Variants in FAM222A observed in about 807,000 individuals in gnomAD.
The protein encoded by FAM222A is family with sequence similarity 222 member A.
FAM222A carries 7 observed loss-of-function variants against 25.8 expected under a neutral mutation model. The ratio of observed to expected loss-of-function variants is 0.27; its 90% CI spans 0.15 to 0.51. FAM222A has a LOEUF of 0.51. Ranked by LOEUF, FAM222A falls within the 20% of genes least tolerant of loss-of-function variation. FAM222A has a pLI of 0.97. For synonymous variants in FAM222A, 294 were observed against 298.8 expected, an observed-to-expected ratio of 0.98 and a Z score of 0.17; for missense variants, 573 against 640.5, an observed-to-expected ratio of 0.89 and a Z score of 1.14.
intron 1 of FAM222A, among the ~76,000 whole-genome samples, chr12:109,742,796 C>T (rs763172009): frequency 6.6e-6 from 1 of 151,926 alleles, no homozygotes; most frequent in Non-Finnish European, 1.5e-5. Flanking sequence ...AGGCTGCAAC[C>T]GTCTCCGGGA....
intron 1 of FAM222A, among the ~76,000 whole-genome samples, chr12:109,725,859 A>G (rs1364422411): frequency 6.6e-6 from 1 of 151,942 alleles, no homozygotes; most frequent in Non-Finnish European, 1.5e-5. Context: ...TTTTCATACA[A>G]TTGCTATAAA....
intron 2 of FAM222A, among the ~76,000 whole-genome samples, chr12:109,758,651 C>A (rs955272469): frequency 6.6e-6 from 1 of 152,196 alleles, no homozygotes; most frequent in African/African-American, 2.4e-5. Context: ...TCCCTGCCCC[C>A]ACTCCTGGGC....
chr12:109,768,620 G>A lies in FAM222A; in HGVS notation c.691G>A (p.Ala231Thr), dbSNP rs749603829. 4 of 1,602,700 alleles carry A rather than the reference G, an allele frequency of 2.5e-6. No individual in the cohort carries two copies. Among genetic ancestry groups the A allele is most frequent in the Non-Finnish European group, 3.4e-6 (4 of 1,179,384 alleles). ...CATGGCTATTCCCCATCCCAGCCCT[G>A]CCAAGCACGGCCCAGTGCCCAGCTT... Reference protein sequence around the residue: ...QGMAIPHPSPAKHGPVPSFPS... With the variant: ...QGMAIPHPSPTKHGPVPSFPS... The change falls in exon 3 of 3, where the codon GCC (alanine) becomes ACC (threonine). Residue 231 changes from alanine (A) to threonine (T), a missense_variant. Ala to Thr is a moderately conservative substitution (Grantham distance 58, BLOSUM62 0). This residue lies in a region of FAM222A where 412 missense variants were observed against 407.0 expected (regional missense o/e 1.01). Transcript: ENST00000538780.
In FAM222A at chr12:109,745,188, G is replaced by C. The variant is rs562079643; in HGVS notation, c.82+960G>C. 2.0e-5 allele frequency among the ~76,000 whole-genome samples: 3 copies of C among 152,320 alleles called. No individual in the cohort carries two copies. In the South Asian group the frequency reaches 6.2e-4, roughly 32 times the overall value. On this transcript the variant is annotated intron_variant, in intron 2 of 2. Coordinates refer to ENST00000538780, the MANE Select transcript of FAM222A (RefSeq NM_032829.3). ...CAGCTTCCTGGGTGTCCTTCCAGAT[G>C]TTTTATGTGCATCCCAGCAAATATG...
chr12:109,722,820 A>AGCTGCAG (rs1257617131), intron 1 of FAM222A: 3 of 152,360 alleles, frequency 2.0e-5, no homozygotes, highest in South Asian at 4.1e-4. Context: ...GGGAGAGACA[A>AGCTGCAG]GCTGCAGGCT....
At chr12:109,727,351 G>A (rs532090905) in intron 1 of FAM222A, among the ~76,000 whole-genome samples, 21 of 152,242 alleles carry the variant, frequency 1.4e-4, no homozygotes, top group Non-Finnish European at 2.8e-4. Context: ...CTGCCATCCC[G>A]TGTGACTGTG....
At chr12:109,727,237 G>A (rs71456701) in intron 1 of FAM222A, among the ~76,000 whole-genome samples, 1 of 152,160 alleles carries the variant, frequency 6.6e-6, no homozygotes, top group Non-Finnish European at 1.5e-5. Flanking sequence ...GCGGCCAGCA[G>A]AGTGGGGAGA....
intron 1 of FAM222A, among the ~76,000 whole-genome samples, chr12:109,743,379 C>G (rs1888297726): frequency 6.6e-6 from 1 of 152,234 alleles, no homozygotes. Flanking sequence ...ACCACACGGG[C>G]CTGTGTGCAG....
At chr12:109,722,768 G>A (rs1887768459) in intron 1 of FAM222A, 2 of 152,272 alleles carry the variant, frequency 1.3e-5, no homozygotes, top group Admixed American at 6.5e-5. Context: ...CGCTTGGGGG[G>A]ATGAAAGATG....
intron 2 of FAM222A, among the ~76,000 whole-genome samples, chr12:109,766,245 A>G (rs1889046902): frequency 6.6e-6 from 1 of 151,326 alleles, no homozygotes; most frequent in Admixed American, 6.6e-5. Context: ...CACTCTCCAT[A>G]CCCCCTCAGC....
At chr12:109,744,421 C>G (rs868520436) in intron 2 of FAM222A, 193 bp downstream of exon 2, 1 of 985,472 alleles carries the variant, frequency 1.0e-6, no homozygotes, top group Non-Finnish European at 1.2e-6. Context: ...TTGGCCAGCT[C>G]CTGTGGAGCA....
chr12:109,738,708 GCTACGT>G (rs1343567010), intron 1 of FAM222A, among the ~76,000 whole-genome samples: 3 of 152,228 alleles, frequency 2.0e-5, no homozygotes, highest in Non-Finnish European at 4.4e-5. Context: ...AAAGACAATG[GCTACGT>G]CTAGAGCCCC....
chr12:109,768,343 G>A lies in FAM222A; in HGVS notation c.414G>A (p.Pro138=), dbSNP rs142138052. 41 of 1,595,420 alleles carry A rather than the reference G, an allele frequency of 2.6e-5. No individual in the cohort carries two copies. Among genetic ancestry groups the A allele is most frequent in the Middle Eastern group, 1.7e-4 (1 of 6,044 alleles). The change falls in exon 3 of 3, where the codon CCG becomes CCA. Residue 138 remains proline (P), a synonymous_variant. Coordinates refer to ENST00000538780, the MANE Select transcript of FAM222A (RefSeq NM_032829.3). ...AGGGCAAGCGGACCAAGCTGTCACC[G>A]GCCGCCGTGCAGGTGGGCATTGCGC... ...SAEGKRTKLS[P]AAVQVGIAPY... is the part of the protein sequence containing the mutation.
chr12:109,716,334 C>T (rs1887645108), intron 1 of FAM222A, among the ~76,000 whole-genome samples: 2 of 152,148 alleles, frequency 1.3e-5, no homozygotes, highest in Admixed American at 1.3e-4. Flanking sequence ...GGTTCGAAAA[C>T]TGTCATTGCC....
At chr12:109,723,830 C>T (rs1317085505) in intron 1 of FAM222A, among the ~76,000 whole-genome samples, 1 of 152,248 alleles carries the variant, frequency 6.6e-6, no homozygotes, top group East Asian at 1.9e-4. Flanking sequence ...GAGCTCCCCA[C>T]TCCCGGTTCA....
At chr12:109,716,218 C>T (rs1887642386) in intron 1 of FAM222A, among the ~76,000 whole-genome samples, 1 of 152,182 alleles carries the variant, frequency 6.6e-6, no homozygotes, top group African/African-American at 2.4e-5. Flanking sequence ...AGAGAACCCC[C>T]AGCAAGCATC....
chr12:109,748,950 AAG>A (rs1565842360), intron 2 of FAM222A, among the ~76,000 whole-genome samples: 1 of 152,172 alleles, frequency 6.6e-6, no homozygotes, highest in East Asian at 1.9e-4. Context: ...TTTTTTAAAA[AAG>A]GAGAAATTCA....
chr12:109,760,390 G>GC (rs1888859747), intron 2 of FAM222A, among the ~76,000 whole-genome samples: 2 of 152,124 alleles, frequency 1.3e-5, no homozygotes, highest in South Asian at 4.1e-4. Flanking sequence ...GAGAGAATGG[G>GC]CCCGAGCCAC....
intron 1 of FAM222A, among the ~76,000 whole-genome samples, chr12:109,733,492 C>T (rs999068191): frequency 3.9e-5 from 6 of 152,046 alleles, no homozygotes; most frequent in Admixed American, 6.5e-5. Flanking sequence ...TAAGCTCCGC[C>T]TCCCGGGTTC....
Sources: gnomAD v4.1 joint callset for allele counts (sites outside exome capture counted in the v4.1 genomes callset) on GRCh38, gnomAD v4.1.1 for gene constraint, gnomAD v4.1.1 regional missense constraint, MANE v1.5 for transcripts, NCBI Gene and HGNC (gene_info 2026-07-23, HGNC 2026-07-21) for gene names.